MEGF8: variants seen among roughly 807,000 people sequenced by gnomAD.
The protein encoded by MEGF8 is multiple epidermal growth factor-like domains protein 8.
Under a neutral mutation model 302.9 loss-of-function variants are expected in MEGF8, and 156 were observed. That is an observed-to-expected ratio of 0.52 (90% CI 0.45 to 0.59). The LOEUF is 0.59. MEGF8 is among the 20% of genes least tolerant of loss of function. The probability of loss-of-function intolerance (pLI) is 0.00; values close to 1 mark genes in which losing one functional copy is unlikely to be tolerated. For synonymous variants in MEGF8, 1,621 were observed against 1,660.5 expected, an observed-to-expected ratio of 0.98 and a Z score of 0.58; for missense variants, 3,345 against 3,964.5, an observed-to-expected ratio of 0.84 and a Z score of 4.20.
At chr19:42,332,374 T>G (rs988281330) in intron 1 of MEGF8, among the ~76,000 whole-genome samples, 15 of 147,026 alleles carry the variant, frequency 1.0e-4, no homozygotes, top group Admixed American at 7.5e-4. Flanking sequence ...CTTTTCTTTG[T>G]TTTTTTTTTT....
chr19:42,335,059 C>T lies in MEGF8; in HGVS notation c.583C>T (p.Pro195Ser), dbSNP rs1252404955. The T allele has an allele frequency of 1.9e-6, 3 of 1,613,506 alleles. No homozygotes were observed. The South Asian group carries it at 3.3e-5, about 18-fold the overall frequency. Residue 195 changes from proline to serine, a missense_variant, in exon 4 of 42, where the codon CCT (proline) becomes TCT (serine). Coordinates refer to ENST00000251268, the MANE Select transcript of MEGF8 (RefSeq NM_001271938.2). ...ASPLGPCRCE[P>S]GFLGRACDLH... is the part of the protein sequence containing the mutation. ...GCCCCTGGGACCATGCCGCTGTGAGCCTGGCTTCTTGGGACGTGCCTGTGA... is the reference window on the plus strand; with the variant it reads ...GCCCCTGGGACCATGCCGCTGTGAGTCTGGCTTCTTGGGACGTGCCTGTGA...
chr19:42,370,864 G>GGGGGGGGGC, intron 40 of MEGF8, 33 bp downstream of exon 40: 1 of 216,610 alleles, frequency 4.6e-6, no homozygotes, highest in Non-Finnish European at 9.5e-6. Context: ...GGGGGGGGGG[G>GGGGGGGGGC]GGGGGGGGAG....
chr19:42,368,894 C>G lies in MEGF8; in HGVS notation c.6533C>G (p.Pro2178Arg), dbSNP rs575829700. 3 of 1,613,892 alleles carry G rather than the reference C, an allele frequency of 1.9e-6. No individual in the cohort carries two copies. The change falls in exon 37 of 42, where the codon CCT becomes CGT. Residue 2178 changes from proline to arginine, a missense_variant. Coordinates refer to ENST00000251268, the MANE Select transcript of MEGF8 (RefSeq NM_001271938.2). The surrounding 1 kb of genome is among the most constrained non-coding windows in gnomAD (Gnocchi z 4.9). ...TCCTGGGCCTTCCTGTCCTGCCCCC[C>G]TGAGGACGAGTGTGCAAACGGGCAC... Reference protein sequence around the residue: ...GASWAFLSCPPEDECANGHHD... With the variant: ...GASWAFLSCPREDECANGHHD...
chr19:42,341,483 G>A (rs985271436), intron 8 of MEGF8, among the ~76,000 whole-genome samples: 1 of 145,486 alleles, frequency 6.9e-6, no homozygotes, highest in African/African-American at 2.5e-5. Context: ...AAAATTTTTT[G>A]TAGAGATGAG....
Position 42,333,966 on chromosome 19 carries a change from C to T in MEGF8, c.352-41C>T, listed in dbSNP as rs767730043. The T allele has an allele frequency of 8.8e-6, 14 of 1,587,066 alleles. No homozygotes were observed. The East Asian group carries it at 2.3e-4, about 26-fold the overall frequency. On this transcript the variant is annotated intron_variant, in intron 2 of 41. Coordinates refer to ENST00000251268, the MANE Select transcript of MEGF8 (RefSeq NM_001271938.2). ...TGGGCCACCCTCCCAGGACAATCCCCAGGCCCTGCCCACCTTACCCAGCAC... is the reference window on the plus strand; with the variant it reads ...TGGGCCACCCTCCCAGGACAATCCCTAGGCCCTGCCCACCTTACCCAGCAC...
In MEGF8 at chr19:42,353,241, T is replaced by C. The variant is rs1026232927; in HGVS notation, c.3550+114T>C. 1.6e-5 allele frequency: 18 copies of C among 1,103,438 alleles called. No individual in the cohort carries two copies. The highest frequency in any genetic ancestry group is 5.1e-6 in the Non-Finnish European group (4 of 787,732). 68.4% of individuals were successfully genotyped at this position (1,103,438 alleles called of 1,614,324 possible). A position where few individuals can be genotyped will look rare whatever the true frequency, so the allele number is the denominator to read the frequency against. Reference sequence around the variant, plus strand: ...CAGTGTCCTCTCATGCAGCTCTAGGTCCCCTGCCCCATTCCTGTTCCTGAC... The same window carrying C: ...CAGTGTCCTCTCATGCAGCTCTAGGCCCCCTGCCCCATTCCTGTTCCTGAC... On this transcript the variant is annotated intron_variant, in intron 20 of 41. Transcript: ENST00000251268. This position sits in a 1 kb window ranked among gnomAD's most constrained non-coding sequence, Gnocchi z 6.1.
chr19:42,349,688 CCAGGAGG>C lies in MEGF8; in HGVS notation c.2492_2498del (p.Gly831AlafsTer35). 1 of 1,611,758 alleles carries C rather than the reference CCAGGAGG, an allele frequency of 6.2e-7. No homozygotes were observed. Among genetic ancestry groups the C allele is most frequent in the Non-Finnish European group, 8.5e-7 (1 of 1,179,676 alleles). On this transcript the variant is annotated frameshift_variant, in exon 14 of 42. Transcript: ENST00000251268. LOFTEE classifies it high-confidence loss of function. ...TCTGCTGTGGGATCGGACTGGTGTG[CCAGGAGG>C]CAGCGTGAGTACCCAGGACCTACCT...
At chr19:42,360,421 C>T (rs879843324) in intron 31 of MEGF8, among the ~76,000 whole-genome samples, 1 of 151,076 alleles carries the variant, frequency 6.6e-6, no homozygotes, top group Non-Finnish European at 1.5e-5. Context: ...TCTCAGCTCA[C>T]TGCAACCTCA....
intron 41 of MEGF8, among the ~76,000 whole-genome samples, chr19:42,373,382 C>T (rs1236461914): frequency 6.6e-6 from 1 of 151,548 alleles, no homozygotes; most frequent in Non-Finnish European, 1.5e-5. Flanking sequence ...TGAGCCACCA[C>T]CCCCGGCCGG....
intron 13 of MEGF8, 63 bp from the exon 14 acceptor site, chr19:42,349,434 CAG>C: frequency 1.4e-6 from 2 of 1,447,050 alleles, no homozygotes; most frequent in Non-Finnish European, 1.9e-6. Context: ...TTGGAGGTAT[CAG>C]GGGTCTGAGG....
chr19:42,354,943 T>TG lies in MEGF8; in HGVS notation c.4144+227dup, dbSNP rs913168296. On this transcript the variant is annotated intron_variant, in intron 23 of 41. Transcript: ENST00000251268. The surrounding 1 kb of genome is among the most constrained non-coding windows in gnomAD (Gnocchi z 4.3). ...AGAAGGGCTGAATGAGACATGTCTC[T>TG]GGGGCATATAGAATGTGGTTGGTGT... Among the ~76,000 whole-genome samples, 3 of 152,164 alleles carry TG rather than the reference T, an allele frequency of 2.0e-5. No homozygotes were observed. Among genetic ancestry groups the TG allele is most frequent in the Non-Finnish European group, 4.4e-5 (3 of 68,026 alleles).
In MEGF8 at chr19:42,376,688, TG is replaced by T; in HGVS notation, c.8456del (p.Gly2819ValfsTer17). 6.6e-7 allele frequency: 1 copy of T among 1,504,556 alleles called. No individual in the cohort carries two copies. 93.2% of individuals were successfully genotyped at this position (1,504,556 alleles called of 1,614,324 possible). ...GGCTGCACGAGTACTGTGGGGGTGG[TG>T]GGGGTGCTGGGGGCAGTGGGCATGG... Reference protein sequence around the residue: ...HRLHEYCGGGGGAGGSGHGTG... With the variant: ...HRLHEYCGGGXGAGGSGHGTG... On this transcript the variant is annotated frameshift_variant, in exon 42 of 42. Transcript: ENST00000251268. LOFTEE classifies it high-confidence loss of function. The surrounding 1 kb of genome is among the most constrained non-coding windows in gnomAD (Gnocchi z 8.2).
At position 42,352,663 on chromosome 19, in the gene MEGF8, A is replaced by G; in HGVS notation, c.3350+207A>G. The G allele has an allele frequency of 1.4e-6, 1 of 709,768 alleles. No individual in the cohort carries two copies. The highest frequency in any genetic ancestry group is 2.3e-6 in the Non-Finnish European group (1 of 436,992). 44.0% of individuals were successfully genotyped at this position (709,768 alleles called of 1,614,324 possible). A position where few individuals can be genotyped will look rare whatever the true frequency, so the allele number is the denominator to read the frequency against. ...GTTACCATGGAAATGGGGCACCCATAGGCTGTGGGCCATAGTCTTCAGCGT... is the reference window on the plus strand; with the variant it reads ...GTTACCATGGAAATGGGGCACCCATGGGCTGTGGGCCATAGTCTTCAGCGT... On this transcript the variant is annotated intron_variant, in intron 19 of 41. Transcript: ENST00000251268. The surrounding 1 kb of genome is among the most constrained non-coding windows in gnomAD (Gnocchi z 4.4).
intron 1 of MEGF8, among the ~76,000 whole-genome samples, chr19:42,332,328 G>A (rs969507544): frequency 6.6e-6 from 1 of 152,184 alleles, no homozygotes; most frequent in East Asian, 1.9e-4. Context: ...ACTGTCAGCC[G>A]GAATGCCTGT....
chr19:42,364,434 C>T (rs753277839), intron 35 of MEGF8, among the ~76,000 whole-genome samples: 5 of 152,164 alleles, frequency 3.3e-5, no homozygotes, highest in Non-Finnish European at 4.4e-5. Flanking sequence ...GCTCACCATC[C>T]GACAACCCAT....
rs780609454 is a variant in MEGF8, at chr19:42,354,687, C to T, written c.4111C>T (p.Arg1371Trp). Residue 1371 changes from arginine to tryptophan, a missense_variant, in exon 23 of 42, where the codon CGG (arginine) becomes TGG (tryptophan). Physicochemically the swap from Arg to Trp is moderately radical, Grantham distance 101. Coordinates refer to ENST00000251268, the MANE Select transcript of MEGF8 (RefSeq NM_001271938.2). This position sits in a 1 kb window ranked among gnomAD's most constrained non-coding sequence, Gnocchi z 4.3. The stretch of plus-strand genomic sequence containing the variant: ...CATAGCTGCCTTCTGCGGCCAGCGA[C>T]GGGACAGGCCCCTCACTGTTCAGGC... ...SLIAAFCGQR[R>W]DRPLTVQALS... 20 of 1,609,424 alleles carry T rather than the reference C, an allele frequency of 1.2e-5. No homozygotes were observed. Among genetic ancestry groups the T allele is most frequent in the African/African-American group, 1.1e-4 (8 of 74,914 alleles).
At position 42,368,457 on chromosome 19, in the gene MEGF8, T is replaced by C; in HGVS notation, c.6276T>C (p.Cys2092=). The change falls in exon 36 of 42, where the codon TGT becomes TGC. Residue 2092 remains cysteine, a splice_region_variant and synonymous_variant. Coordinates refer to ENST00000251268, the MANE Select transcript of MEGF8 (RefSeq NM_001271938.2). The surrounding 1 kb of genome is among the most constrained non-coding windows in gnomAD (Gnocchi z 4.9). ...HCVWSSSLQQ[C]LSPSYLPLRC... ...CCCATCCCCTCCCCCCCATACAGTG[T>C]CTGAGCCCTTCCTACCTGCCCCTGC... 1 of 1,604,744 alleles carries C rather than the reference T, an allele frequency of 6.2e-7. No homozygotes were observed. Among genetic ancestry groups the C allele is most frequent in the Non-Finnish European group, 8.5e-7 (1 of 1,176,072 alleles).
In MEGF8 at chr19:42,337,312, A is replaced by G. The variant is rs2039141895; in HGVS notation, c.1513+106A>G. 13 of 1,512,618 alleles carry G rather than the reference A, an allele frequency of 8.6e-6. No homozygotes were observed. In the Admixed American group the frequency reaches 2.3e-4, roughly 27 times the overall value. The allele number at this position is 1,512,618 out of a possible 1,614,324, so 93.7% of individuals were successfully genotyped here. A position where few individuals can be genotyped will look rare whatever the true frequency, so the allele number is the denominator to read the frequency against. The stretch of plus-strand genomic sequence containing the variant: ...GTCCGTAAGGGTGAGCCTGACATCC[A>G]GGCCAGTTGGTGCCAGCCTTAGGAG... On this transcript the variant is annotated intron_variant, in intron 8 of 41. Transcript: ENST00000251268.
intron 13 of MEGF8, 61 bp from the exon 14 acceptor site, chr19:42,349,438 G>A: frequency 3.4e-6 from 5 of 1,471,988 alleles, no homozygotes; most frequent in Non-Finnish European, 4.6e-6. Context: ...AGGTATCAGG[G>A]GTCTGAGGAA....
Sources: gnomAD v4.1 joint callset for allele counts (sites outside exome capture counted in the v4.1 genomes callset) on GRCh38, gnomAD v4.1.1 for gene constraint, Gnocchi (gnomAD v3.1) non-coding constraint, MANE v1.5 for transcripts, NCBI Gene and HGNC (gene_info 2026-07-23, HGNC 2026-07-21) for gene names.